APOLD1: variants seen among roughly 807,000 people sequenced by gnomAD.
APOLD1 encodes the protein apolipoprotein L domain containing 1, also known as apolipoprotein L domain-containing protein 1.
A neutral mutation model predicts 15.3 loss-of-function variants in APOLD1; 22 were observed. That is an observed-to-expected ratio of 1.44 (90% CI 1.03 to 2.05). The LOEUF (loss-of-function observed/expected upper bound fraction) is 2.05, where lower values mean the gene tolerates loss of function less well. APOLD1 is among the 30% of genes most tolerant of loss of function. The pLI is 0.00. For missense variants in APOLD1, 394 were observed against 353.5 expected (o/e 1.11, Z -0.92); for synonymous variants, 190 against 167.4 (o/e 1.13, Z -1.04).
intron 1 of APOLD1, among the ~76,000 whole-genome samples, chr12:12,739,853 G>C (rs1249992473): frequency 7.2e-6 from 1 of 139,094 alleles, no homozygotes; most frequent in Non-Finnish European, 1.5e-5. Context: ...GTCTCACTCT[G>C]TCACCTAGGC....
chr12:12,771,473 T>A, intron 1 of APOLD1: 1 of 483,050 alleles, frequency 2.1e-6, no homozygotes, highest in Non-Finnish European at 4.1e-6. Flanking sequence ...CAGTGCAAAG[T>A]TTTTCATCTG....
At position 12,787,647 on chromosome 12, in the gene APOLD1, T is replaced by G. The variant is rs531311698; in HGVS notation, c.742T>G (p.Phe248Val). ...ISADQRAGLFF is the reference protein window; with the variant it reads ...ISADQRAGLFV ...TGCTGACCAGCGTGCAGGGCTGTTT[T>G]TCTGAGAACATCCTTTCCCCCTAAT... Residue 248 changes from phenylalanine to valine, a missense_variant, in exon 2 of 2, where the codon TTC (phenylalanine) becomes GTC (valine). By Grantham distance (50) the Phe-to-Val change is conservative. Transcript: ENST00000356591. The surrounding 1 kb of genome is among the most constrained non-coding windows in gnomAD (Gnocchi z 4.9). 30 of 1,588,088 alleles carry G rather than the reference T, an allele frequency of 1.9e-5. No individual in the cohort carries two copies. Among genetic ancestry groups the G allele is most frequent in the Non-Finnish European group, 2.6e-5 (30 of 1,169,844 alleles).
At chr12:12,746,456 A>C (rs1364002436) in intron 1 of APOLD1, among the ~76,000 whole-genome samples, 2 of 152,164 alleles carry the variant, frequency 1.3e-5, no homozygotes, top group Non-Finnish European at 2.9e-5. Flanking sequence ...AGATCGCACC[A>C]CTGCACTCCA....
At chr12:12,786,791 C>T in intron 1 of APOLD1, 118 bp from the exon 2 acceptor site, 1 of 1,303,242 alleles carries the variant, frequency 7.7e-7, no homozygotes, top group Non-Finnish European at 9.7e-7. Context: ...GTTCCCCTAG[C>T]GTGGCAGTGG....
Position 12,789,873 on chromosome 12 carries a change from G to A in APOLD1, c.*2221G>A, listed in dbSNP as rs1947168672. ...ATTTCAGTACTGGGGTCGGGGAGAG[G>A]AGGTGATGTTTCTACATTTTTATTT... On this transcript the variant is annotated 3_prime_UTR_variant, in exon 2 of 2. Transcript: ENST00000356591. 6.6e-6 allele frequency: 1 copy of A among 152,204 alleles called. No homozygotes were observed. Among genetic ancestry groups the A allele is most frequent in the African/African-American group, 2.4e-5 (1 of 41,430 alleles). 9.4% of individuals were successfully genotyped at this position (152,204 alleles called of 1,614,324 possible). A position where few individuals can be genotyped will look rare whatever the true frequency, so the allele number is the denominator to read the frequency against.
intron 1 of APOLD1, among the ~76,000 whole-genome samples, chr12:12,739,217 C>T (rs1451173421): frequency 6.6e-6 from 1 of 152,180 alleles, no homozygotes; most frequent in Non-Finnish European, 1.5e-5. Flanking sequence ...TCCCAGGACA[C>T]CTCTGCTAAA....
chr12:12,758,725 C>G (rs900245279), intron 1 of APOLD1, among the ~76,000 whole-genome samples: 1 of 152,134 alleles, frequency 6.6e-6, no homozygotes, highest in Non-Finnish European at 1.5e-5. Flanking sequence ...GTTTGAGATG[C>G]AACAGCAAAA....
chr12:12,740,987 G>C (rs574565725), intron 1 of APOLD1, among the ~76,000 whole-genome samples: 112 of 152,104 alleles, frequency 7.4e-4, no homozygotes, highest in Middle Eastern at 3.4e-3. Context: ...TGATGAAACA[G>C]GAATTTAGCA....
chr12:12,726,085 T>A, exon 1 of APOLD1: 1 of 1,505,506 alleles, frequency 6.6e-7, no homozygotes, highest in Non-Finnish European at 8.9e-7. Context: ...CACCTTCCCC[T>A]GCCTTGGAAA....
chr12:12,766,409 C>G (rs1408622200), intron 1 of APOLD1, among the ~76,000 whole-genome samples: 2 of 152,196 alleles, frequency 1.3e-5, no homozygotes, highest in Admixed American at 1.3e-4. Context: ...AGTTCCCAAG[C>G]TGCCTACTAC....
intron 1 of APOLD1, among the ~76,000 whole-genome samples, chr12:12,746,048 G>C (rs1204875836): frequency 1.3e-5 from 2 of 152,078 alleles, no homozygotes; most frequent in Non-Finnish European, 2.9e-5. Context: ...GCAGCTCCGT[G>C]ATCACTCAGG....
At chr12:12,771,143 A>G (rs1408923263) in intron 1 of APOLD1, among the ~76,000 whole-genome samples, 1 of 152,256 alleles carries the variant, frequency 6.6e-6, no homozygotes, top group Non-Finnish European at 1.5e-5. Context: ...AGAAACTCAG[A>G]TATACATTAA....
intron 1 of APOLD1, among the ~76,000 whole-genome samples, chr12:12,745,527 CAGAAA>C (rs1483012234): frequency 6.6e-6 from 1 of 151,950 alleles, no homozygotes; most frequent in Admixed American, 6.6e-5. Context: ...GAGACTGTCT[CAGAAA>C]AGAAAAGACT....
Position 12,787,307 on chromosome 12 carries a change from C to A in APOLD1, c.402C>A (p.Ile134=). The change falls in exon 2 of 2, where the codon ATC becomes ATA. Residue 134 remains isoleucine (I), a synonymous_variant. Coordinates refer to ENST00000356591, the MANE Select transcript of APOLD1 (RefSeq NM_030817.3). The surrounding 1 kb of genome is among the most constrained non-coding windows in gnomAD (Gnocchi z 4.9). The part of the protein sequence containing the change: ...AATCQDQMRE[I]LSCLEFFCRW... ...CCTGCCAGGACCAGATGCGAGAGAT[C>A]CTGAGCTGCCTCGAGTTTTTCTGCC... 6.2e-7 allele frequency: 1 copy of A among 1,612,440 alleles called. No homozygotes were observed. Among genetic ancestry groups the A allele is most frequent in the Non-Finnish European group, 8.5e-7 (1 of 1,179,598 alleles).
chr12:12,753,601 C>T (rs764194327), intron 1 of APOLD1, among the ~76,000 whole-genome samples: 4 of 151,670 alleles, frequency 2.6e-5, no homozygotes, highest in Admixed American at 6.6e-5. Flanking sequence ...CCCAGGAGGT[C>T]GAGGTGGTAG....
intron 1 of APOLD1, among the ~76,000 whole-genome samples, chr12:12,733,769 A>AT (rs1946661754): frequency 6.6e-6 from 1 of 151,984 alleles, no homozygotes; most frequent in Admixed American, 6.6e-5. Context: ...CACCCAGCTA[A>AT]TTTTTTGTAT....
chr12:12,755,068 T>G (rs998921829), intron 1 of APOLD1, among the ~76,000 whole-genome samples: 1 of 151,858 alleles, frequency 6.6e-6, no homozygotes, highest in East Asian at 1.9e-4. Flanking sequence ...AATGAAGTTA[T>G]TGTTATTAAA....
chr12:12,733,634 G>T (rs144748593), intron 1 of APOLD1, among the ~76,000 whole-genome samples: 1 of 151,950 alleles, frequency 6.6e-6, no homozygotes, highest in Non-Finnish European at 1.5e-5. Flanking sequence ...ACAGAGTTTC[G>T]CTCTGTTGCC....
At chr12:12,783,953 G>A (rs936023146), upstream of APOLD1, among the ~76,000 whole-genome samples, 4 of 152,074 alleles carry the variant, frequency 2.6e-5, no homozygotes, top group Non-Finnish European at 4.4e-5. Flanking sequence ...GGTTTTTATG[G>A]GCAGTAAAAC....
Sources: gnomAD v4.1 joint callset for allele counts (sites outside exome capture counted in the v4.1 genomes callset) on GRCh38, gnomAD v4.1.1 for gene constraint, Gnocchi (gnomAD v3.1) non-coding constraint, MANE v1.5 for transcripts, NCBI Gene and HGNC (gene_info 2026-07-23, HGNC 2026-07-21) for gene names.